MSI2: variants seen among roughly 807,000 people sequenced by gnomAD.
MSI2 encodes the protein RNA-binding protein Musashi homolog 2.
Under a neutral mutation model 45.6 loss-of-function variants are expected in MSI2, and 17 were observed. The observed-to-expected ratio is 0.37, with a 90% CI of 0.26 to 0.56. The LOEUF (loss-of-function observed/expected upper bound fraction) is 0.56. MSI2 is among the 20% of genes least tolerant of loss of function. MSI2 has a pLI of 0.77. For synonymous variants in MSI2, 156 were observed against 158.2 expected (o/e 0.99, Z 0.11); for missense variants, 293 against 444.2 (o/e 0.66, Z 3.06).
At chr17:57,378,645 C>T (rs2083544348) in intron 5 of MSI2, among the ~76,000 whole-genome samples, 1 of 152,214 alleles carries the variant, frequency 6.6e-6, no homozygotes. Flanking sequence ...CATCCGCCTG[C>T]CTCAGCCTCC....
At chr17:57,378,393 A>T (rs762963589) in intron 5 of MSI2, among the ~76,000 whole-genome samples, 1 of 151,934 alleles carries the variant, frequency 6.6e-6, no homozygotes, top group Admixed American at 6.6e-5. Context: ...CCTCCCGAGT[A>T]GCTGGGATTA....
chr17:57,398,711 A>G (rs913082265), intron 5 of MSI2, among the ~76,000 whole-genome samples: 12 of 152,242 alleles, frequency 7.9e-5, no homozygotes, highest in Admixed American at 2.6e-4. Flanking sequence ...TCCTGATAGG[A>G]ACCTTGTATG....
intron 11 of MSI2, among the ~76,000 whole-genome samples, chr17:57,665,766 C>A (rs1912318976): frequency 6.6e-6 from 1 of 152,214 alleles, no homozygotes; most frequent in Admixed American, 6.5e-5. Flanking sequence ...GGGTGGCCCC[C>A]TGGGTCCAGG....
chr17:57,274,783 G>A (rs1031111003), intron 5 of MSI2, among the ~76,000 whole-genome samples: 5 of 152,152 alleles, frequency 3.3e-5, no homozygotes, highest in Non-Finnish European at 4.4e-5. Context: ...TTGGCAGCAC[G>A]GGCTTTGGAC....
chr17:57,500,179 A>G (rs143918192), intron 6 of MSI2, among the ~76,000 whole-genome samples: 182 of 152,136 alleles, frequency 1.2e-3, no homozygotes, highest in African/African-American at 4.2e-3. Flanking sequence ...TATTATCACC[A>G]TTTTACAAAC....
chr17:57,373,182 G>C (rs1046102891), intron 5 of MSI2, among the ~76,000 whole-genome samples: 6 of 151,896 alleles, frequency 4.0e-5, no homozygotes, highest in Admixed American at 3.3e-4. Flanking sequence ...CCCAGGAGAC[G>C]GAGGTTGCAG....
At chr17:57,576,043 G>A (rs898636153) in intron 7 of MSI2, among the ~76,000 whole-genome samples, 1 of 152,154 alleles carries the variant, frequency 6.6e-6, no homozygotes, top group African/African-American at 2.4e-5. Context: ...CTTGGTCTGG[G>A]ACTAACTGCC....
intron 5 of MSI2, among the ~76,000 whole-genome samples, chr17:57,303,429 A>G (rs954419092): frequency 6.6e-6 from 1 of 152,254 alleles, no homozygotes; most frequent in Non-Finnish European, 1.5e-5. Context: ...TTAGAAACGC[A>G]GTGTGAAGGG....
rs187303463 is a variant in MSI2, at chr17:57,579,205, A to C, written c.455-17663A>C. On this transcript the variant is annotated intron_variant, in intron 7 of 13. Transcript: ENST00000284073. The stretch of plus-strand genomic sequence containing the variant: ...TAAACTAAGGAAAGGATGACAGCTG[A>C]GGTTCCTTAAGGCCCCAGACACAAA... Among the ~76,000 whole-genome samples the C allele has an allele frequency of 4.4e-3, 669 of 152,320 alleles. 1 individual carries two copies. Among genetic ancestry groups the C allele is most frequent in the Middle Eastern group, 0.01 (3 of 294 alleles).
In MSI2 at chr17:57,280,264, G is replaced by A. The variant is rs1234798759; in HGVS notation, c.312+18072G>A. 2.0e-5 allele frequency among the ~76,000 whole-genome samples: 3 copies of A among 152,144 alleles called. No individual in the cohort carries two copies. Among genetic ancestry groups the A allele is most frequent in the African/African-American group, 7.2e-5 (3 of 41,414 alleles). Reference sequence around the variant, plus strand: ...CATCCATTTAAAAGTTTAAGGGATGGGATGGGAAATGATCAGGTTTGCGTT... The same window carrying A: ...CATCCATTTAAAAGTTTAAGGGATGAGATGGGAAATGATCAGGTTTGCGTT... On this transcript the variant is annotated intron_variant, in intron 5 of 13. Transcript: ENST00000284073. This position sits in a 1 kb window ranked among gnomAD's most constrained non-coding sequence, Gnocchi z 4.2.
intron 7 of MSI2, among the ~76,000 whole-genome samples, chr17:57,555,988 A>T (rs1762432247): frequency 6.6e-6 from 1 of 152,220 alleles, no homozygotes; most frequent in Non-Finnish European, 1.5e-5. Flanking sequence ...TGCCTCAGGC[A>T]CTTTACACTG....
chr17:57,335,803 G>A (rs953265932), intron 5 of MSI2, among the ~76,000 whole-genome samples: 1 of 152,202 alleles, frequency 6.6e-6, no homozygotes, highest in African/African-American at 2.4e-5. Flanking sequence ...AGTGCTCCAG[G>A]TTGGGAGCAC....
chr17:57,450,269 A>AAGAAAGAG (rs2084978646), intron 6 of MSI2: 1 of 110,770 alleles, frequency 9.0e-6, no homozygotes, highest in African/African-American at 3.5e-5. Flanking sequence ...GAAAGAAAGA[A>AAGAAAGAG]AGAAAGAAAG....
chr17:57,413,996 G>A (rs2084246068), intron 6 of MSI2, among the ~76,000 whole-genome samples: 1 of 151,948 alleles, frequency 6.6e-6, no homozygotes, highest in South Asian at 2.1e-4. Flanking sequence ...TTGGTGAGTG[G>A]AACAGACAAG....
intron 8 of MSI2, among the ~76,000 whole-genome samples, chr17:57,599,441 C>T (rs141926563): frequency 5.3e-5 from 8 of 152,312 alleles, no homozygotes; most frequent in African/African-American, 1.9e-4. Context: ...AGTAGAGCTT[C>T]TGCCCCAGAA....
chr17:57,663,863 C>T (rs1385027522), intron 11 of MSI2, among the ~76,000 whole-genome samples: 1 of 152,162 alleles, frequency 6.6e-6, no homozygotes, highest in Non-Finnish European at 1.5e-5. Flanking sequence ...TGGAGGTTTA[C>T]ACTGTGTTCA....
At chr17:57,547,015 G>T (rs933049290) in intron 7 of MSI2, among the ~76,000 whole-genome samples, 9 of 152,214 alleles carry the variant, frequency 5.9e-5, no homozygotes, top group Admixed American at 2.0e-4. Context: ...TGGCGAGGGG[G>T]CCTGGGCCTA....
chr17:57,696,485 A>G, the MSI2 span, among the ~76,000 whole-genome samples: 30 of 152,208 alleles, frequency 2.0e-4, no homozygotes, highest in Admixed American at 2.0e-3. Context: ...CATGCTAGCA[A>G]TCCCAATGTT....
At chr17:57,258,242 G>A (rs768855037) in intron 3 of MSI2, 28 bp from the exon 4 acceptor site, 7 of 1,607,106 alleles carry the variant, frequency 4.4e-6, no homozygotes, top group Non-Finnish European at 5.1e-6. Context: ...TTTCTTGTTT[G>A]TTTTTCTCCC....
Sources: allele counts gnomAD v4.1 joint callset (sites outside exome capture counted in the v4.1 genomes callset), GRCh38; gene constraint gnomAD v4.1.1; non-coding constraint Gnocchi (gnomAD v3.1); transcripts MANE v1.5; gene names NCBI Gene and HGNC (gene_info 2026-07-23, HGNC 2026-07-21).